Variants in ZMYM2 observed in about 807,000 individuals in gnomAD.
The protein encoded by ZMYM2 is zinc finger MYM-type protein 2.
In ZMYM2, 56 loss-of-function variants were observed where a neutral mutation model predicts 162.8. The observed-to-expected ratio is 0.34, with a 90% CI of 0.28 to 0.43. ZMYM2 has a LOEUF of 0.43. Ranked by LOEUF, ZMYM2 falls within the 20% of genes least tolerant of loss-of-function variation. ZMYM2 has a pLI of 1.00. For synonymous variants in ZMYM2, 510 were observed against 541.6 expected, an observed-to-expected ratio of 0.94 and a Z score of 0.81; for missense variants, 1,275 against 1,621.8, an observed-to-expected ratio of 0.79 and a Z score of 3.67.
At chr13:20,083,125 C>T in intron 23 of ZMYM2, 93 bp downstream of exon 23, 2 of 1,314,500 alleles carry the variant, frequency 1.5e-6, no homozygotes, top group South Asian at 3.3e-5. Context: ...TGCAGTGGTG[C>T]AGTCTCGGCT....
At chr13:19,870,275 C>T in the ZMYM2 span, among the ~76,000 whole-genome samples, 1 of 152,160 alleles carries the variant, frequency 6.6e-6, no homozygotes, top group Non-Finnish European at 1.5e-5. Context: ...CTTGCCTCAG[C>T]CTCCCAAGTA....
intron 2 of ZMYM2, among the ~76,000 whole-genome samples, chr13:19,978,371 T>C (rs1956977365): frequency 6.6e-6 from 1 of 152,136 alleles, no homozygotes; most frequent in Admixed American, 6.5e-5. Context: ...ATAGATTACA[T>C]CTGTATATAT....
chr13:19,942,869 C>T, the ZMYM2 span, among the ~76,000 whole-genome samples: 2 of 152,044 alleles, frequency 1.3e-5, no homozygotes, highest in Non-Finnish European at 2.9e-5. Context: ...AGACAAAAAT[C>T]TAAGTTTTGT....
At chr13:19,943,957 G>C in the ZMYM2 span, among the ~76,000 whole-genome samples, 1 of 152,172 alleles carries the variant, frequency 6.6e-6, no homozygotes, top group Non-Finnish European at 1.5e-5. Context: ...GGCTGTTTGA[G>C]GGGAATGAGA....
At chr13:19,884,719 A>T in the ZMYM2 span, among the ~76,000 whole-genome samples, 2 of 152,020 alleles carry the variant, frequency 1.3e-5, no homozygotes, top group African/African-American at 4.8e-5. Flanking sequence ...CCTGGTCCAG[A>T]AAAAAAGACA....
chr13:19,954,623 A>G (rs1188681676), upstream of ZMYM2, among the ~76,000 whole-genome samples: 1 of 152,150 alleles, frequency 6.6e-6, no homozygotes, highest in African/African-American at 2.4e-5. Context: ...CATTCAGTAT[A>G]AGCAAATTAT....
the ZMYM2 span, among the ~76,000 whole-genome samples, chr13:19,947,351 C>T: frequency 2.6e-5 from 4 of 152,148 alleles, no homozygotes; most frequent in Non-Finnish European, 5.9e-5. Flanking sequence ...TGAGCCACCA[C>T]GCCCAGCCCA....
intron 12 of ZMYM2, among the ~76,000 whole-genome samples, chr13:20,048,650 C>G: frequency 6.6e-6 from 1 of 151,928 alleles, no homozygotes. Context: ...TTGAAACTAT[C>G]CAAGACATGA....
chr13:20,005,318 C>A, intron 5 of ZMYM2, 79 bp downstream of exon 5: 1 of 1,083,402 alleles, frequency 9.2e-7, no homozygotes, highest in Non-Finnish European at 1.3e-6. Context: ...ATTAGATAAT[C>A]TTTTATCAGT....
At chr13:20,066,508 G>A (rs1956687793) in intron 19 of ZMYM2, 1 of 179,648 alleles carries the variant, frequency 5.6e-6, no homozygotes, top group South Asian at 1.9e-4. Flanking sequence ...AATAAAGTTA[G>A]CTAGAGAAAA....
At chr13:19,929,942 G>T in the ZMYM2 span, among the ~76,000 whole-genome samples, 1 of 152,158 alleles carries the variant, frequency 6.6e-6, no homozygotes, top group African/African-American at 2.4e-5. Flanking sequence ...TAATCCATGT[G>T]TTGTTTTAAT....
chr13:20,000,412 A>T (rs1313368752), intron 3 of ZMYM2, among the ~76,000 whole-genome samples: 2 of 152,314 alleles, frequency 1.3e-5, no homozygotes, highest in East Asian at 1.9e-4. Context: ...AACATGAAAC[A>T]ACGGATTTTC....
intron 14 of ZMYM2, among the ~76,000 whole-genome samples, chr13:20,053,729 AT>A (rs1305698207): frequency 1.3e-5 from 2 of 152,196 alleles, no homozygotes. Context: ...ATAGATGAAA[AT>A]TGGTATTTTT....
chr13:19,994,671 A>G (rs1949885312), intron 3 of ZMYM2, among the ~76,000 whole-genome samples: 1 of 151,784 alleles, frequency 6.6e-6, no homozygotes. Context: ...TGTATTTTGT[A>G]TGGGGTTTTA....
the ZMYM2 span, among the ~76,000 whole-genome samples, chr13:19,877,564 T>C: frequency 6.6e-6 from 1 of 152,210 alleles, no homozygotes; most frequent in East Asian, 1.9e-4. Flanking sequence ...TCAACACTAC[T>C]ACATTGGGGA....
At chr13:19,903,846 C>CA in the ZMYM2 span, among the ~76,000 whole-genome samples, 63 of 142,078 alleles carry the variant, frequency 4.4e-4, 1 homozygote, top group East Asian at 8.1e-4. Context: ...GACCCTGTCT[C>CA]AAAAAAAAAA....
At chr13:19,885,947 A>ATATGTGTATACACACATATATGTGTG in the ZMYM2 span, among the ~76,000 whole-genome samples, 615 of 20,870 alleles carry the variant, frequency 0.029, 215 homozygotes, top group South Asian at 0.16. Context: ...ATATATATGT[A>ATATGTGTATACACACATATATGTGTG]TATACACATA....
intron 21 of ZMYM2, among the ~76,000 whole-genome samples, chr13:20,075,866 C>A (rs1281012023): frequency 6.6e-6 from 1 of 150,742 alleles, no homozygotes; most frequent in Non-Finnish European, 1.5e-5. Flanking sequence ...GTTTTTTTTC[C>A]CCCCCATCCC....
At chr13:19,891,173 T>TG in the ZMYM2 span, among the ~76,000 whole-genome samples, 1 of 151,898 alleles carries the variant, frequency 6.6e-6, no homozygotes, top group South Asian at 2.1e-4. Context: ...GTCTTCACTC[T>TG]AATAGGACTA....
Sources: gnomAD v4.1 joint callset for allele counts (sites outside exome capture counted in the v4.1 genomes callset) on GRCh38, gnomAD v4.1.1 for gene constraint, MANE v1.5 for transcripts, NCBI Gene and HGNC (gene_info 2026-07-23, HGNC 2026-07-21) for gene names.